The following NOS1 variants were observed in gnomAD, a reference collection of about 807,000 sequenced individuals.
The protein encoded by NOS1 is NOS type I.
In NOS1, 51 loss-of-function variants were observed where a neutral mutation model predicts 164.5. The observed-to-expected ratio is 0.31, with a 90% CI of 0.25 to 0.39. The LOEUF is 0.39. NOS1 is among the 10% of genes least tolerant of loss of function. The probability of loss-of-function intolerance (pLI) is 1.00; values close to 1 mark genes in which losing one functional copy is unlikely to be tolerated. For synonymous variants in NOS1, 719 were observed against 745.8 expected (o/e 0.96, Z 0.59); for missense variants, 1,362 against 1,885.6 (o/e 0.72, Z 5.14).
rs141572913 is a variant in NOS1, at chr12:117,236,345, C to A, written c.3042-1587G>T. 2.9e-3 allele frequency among the ~76,000 whole-genome samples: 440 copies of A among 152,282 alleles called. 2 individuals carry two copies. Among genetic ancestry groups the A allele is most frequent in the South Asian group, 0.014 (66 of 4,810 alleles). ...AGGACTTTTTGGCTCAACCGAGAAC[C>A]TTTTGTGCTACAAATAGCCACCATT... On this transcript the variant is annotated intron_variant, in intron 20 of 28. Coordinates refer to ENST00000317775, the MANE Select transcript of NOS1 (RefSeq NM_000620.5).
intron 2 of NOS1, among the ~76,000 whole-genome samples, chr12:117,315,073 CAG>C (rs894504017): frequency 2.0e-5 from 3 of 152,144 alleles, no homozygotes; most frequent in Admixed American, 1.3e-4. Context: ...TTTGAATTTG[CAG>C]AGAGAGTTTC....
intron 2 of NOS1, among the ~76,000 whole-genome samples, chr12:117,313,178 C>T (rs1054238270): frequency 3.9e-5 from 6 of 152,180 alleles, no homozygotes; most frequent in African/African-American, 1.4e-4. Flanking sequence ...TTCACGACCA[C>T]CAGCATCATC....
At chr12:117,297,507 T>C (rs1226762952) in intron 3 of NOS1, among the ~76,000 whole-genome samples, 3 of 152,190 alleles carry the variant, frequency 2.0e-5, no homozygotes, top group Admixed American at 2.0e-4. Flanking sequence ...TTCTCCTGCC[T>C]CAGCCTCCTG....
intron 9 of NOS1, among the ~76,000 whole-genome samples, chr12:117,275,522 G>C (rs1873113488): frequency 6.6e-6 from 1 of 152,100 alleles, no homozygotes; most frequent in Admixed American, 6.6e-5. Flanking sequence ...AGGGAGAATG[G>C]GGAGTGATTT....
At chr12:117,319,218 G>A (rs1336535717) in intron 2 of NOS1, among the ~76,000 whole-genome samples, 3 of 144,996 alleles carry the variant, frequency 2.1e-5, no homozygotes, top group Non-Finnish European at 4.5e-5. Flanking sequence ...TCCCTGACTA[G>A]TTTTTAAAAT....
Position 117,209,117 on chromosome 12 carries a change from C to G in NOS1, c.*6192G>C, listed in dbSNP as rs74567483. The stretch of plus-strand genomic sequence containing the variant: ...TGGCAGCAGATAATGGAAACAACCA[C>G]TGGGCTAGGCAAAGTTTCTGCTGCG... On this transcript the variant is annotated 3_prime_UTR_variant, in exon 29 of 29. Coordinates refer to ENST00000317775, the MANE Select transcript of NOS1 (RefSeq NM_000620.5). 2.0e-4 allele frequency: 197 copies of G among 985,410 alleles called. 1 individual carries two copies. The East Asian group carries it at 7.0e-3, about 35-fold the overall frequency. The allele number at this position is 985,410 out of a possible 1,614,324, so 61.0% of individuals were successfully genotyped here.
In NOS1 at chr12:117,330,533, G is replaced by C. The variant is rs780556911; in HGVS notation, c.537C>G (p.Ala179=). 2.0e-5 allele frequency: 33 copies of C among 1,613,708 alleles called. No individual in the cohort carries two copies. In the East Asian group the frequency reaches 7.1e-4, roughly 35 times the overall value. The stretch of plus-strand genomic sequence containing the variant: ...CGGGGTCCTGGCCTGGGGGCCTGGG[G>C]GCCAGGCCGTTGGCATGGGGGAGTG... ...AGSLPHANGL[A]PRPPGQDPAK... Residue 179 remains alanine (A), a synonymous_variant, in exon 2 of 29, where the codon GCC becomes GCG. Transcript: ENST00000317775. This position sits in a 1 kb window ranked among gnomAD's most constrained non-coding sequence, Gnocchi z 4.6.
chr12:117,289,909 G>A (rs535304435), intron 4 of NOS1, among the ~76,000 whole-genome samples: 1 of 152,296 alleles, frequency 6.6e-6, no homozygotes, highest in Non-Finnish European at 1.5e-5. Flanking sequence ...GGAGCCCATT[G>A]TATGAGTTTG....
chr12:117,241,236 C>A (rs1057089673), intron 20 of NOS1, among the ~76,000 whole-genome samples: 5 of 152,000 alleles, frequency 3.3e-5, no homozygotes, highest in African/African-American at 1.2e-4. Context: ...CCGTGCCTGG[C>A]CAAGTAATTT....
rs759660039 is a variant in NOS1 at position 117,311,562 on chromosome 12, C to T, written c.756G>A (p.Leu252=). The part of the protein sequence containing the change: ...RDLDGKSHKP[L]PLGVENDRVF... ...CTCGGTCGTTCTCCACGCCGAGGGG[C>T]AGAGGTTTGTGTGACTTGCCGTCCA... The change falls in exon 3 of 29, where the codon CTG becomes CTA. Residue 252 remains leucine, a synonymous_variant. Coordinates refer to ENST00000317775, the MANE Select transcript of NOS1 (RefSeq NM_000620.5). 8 of 1,612,704 alleles carry T rather than the reference C, an allele frequency of 5.0e-6. No individual in the cohort carries two copies. In the African/African-American group the frequency reaches 1.1e-4, roughly 22 times the overall value.
At chr12:117,322,361 C>T (rs1465348398) in intron 2 of NOS1, among the ~76,000 whole-genome samples, 2 of 136,968 alleles carry the variant, frequency 1.5e-5, no homozygotes, top group Non-Finnish European at 3.2e-5. Context: ...ATCCTTCCTT[C>T]TGTCCCTCCT....
chr12:117,342,200 C>G (rs1367258682), intron 1 of NOS1, among the ~76,000 whole-genome samples: 1 of 152,064 alleles, frequency 6.6e-6, no homozygotes, highest in African/African-American at 2.4e-5. Context: ...TTTGCCTACT[C>G]ATACATAGCT....
chr12:117,241,904 C>A (rs140591954), intron 20 of NOS1, among the ~76,000 whole-genome samples: 4 of 152,222 alleles, frequency 2.6e-5, no homozygotes, highest in Admixed American at 2.0e-4. Context: ...TCCAGCAGGA[C>A]AGAGTGTGTC....
At chr12:117,225,805 T>A (rs9658506) in intron 24 of NOS1, among the ~76,000 whole-genome samples, 2,855 of 152,130 alleles carry the variant, frequency 0.019, 85 homozygotes, top group African/African-American at 0.065. Context: ...TTTTTTTGTA[T>A]TTTAGTAGAG....
At chr12:117,350,343 T>C (rs1876559439) in intron 1 of NOS1, among the ~76,000 whole-genome samples, 1 of 152,182 alleles carries the variant, frequency 6.6e-6, no homozygotes, top group Non-Finnish European at 1.5e-5. Flanking sequence ...CACTTACTAG[T>C]TACCTGTTGA....
At position 117,234,269 on chromosome 12, in the gene NOS1, G is replaced by GAA. The variant is rs112221668; in HGVS notation, c.3235+294_3235+295dup. Among the ~76,000 whole-genome samples the GAA allele has an allele frequency of 8.5e-5, 13 of 152,216 alleles. No individual in the cohort carries two copies. Among genetic ancestry groups the GAA allele is most frequent in the African/African-American group, 2.9e-4 (12 of 41,450 alleles). On this transcript the variant is annotated intron_variant, in intron 21 of 28. Transcript: ENST00000317775. The surrounding 1 kb of genome is among the most constrained non-coding windows in gnomAD (Gnocchi z 4.3). ...AGGGCTAGTGGTGAGGATGGAAAGTGAAAAGAATGGCTACTGCTAAAGTCC... is the reference window on the plus strand; with the variant it reads ...AGGGCTAGTGGTGAGGATGGAAAGTGAAAAAAGAATGGCTACTGCTAAAGTCC...
intron 22 of NOS1, among the ~76,000 whole-genome samples, chr12:117,230,309 T>C (rs1869105059): frequency 6.6e-6 from 1 of 152,184 alleles, no homozygotes; most frequent in African/African-American, 2.4e-5. Flanking sequence ...CCCCATTAAT[T>C]AAAAGTTTTA....
chr12:117,220,045 A>G, intron 27 of NOS1, 30 bp downstream of exon 27: 1 of 1,572,196 alleles, frequency 6.4e-7, no homozygotes, highest in Non-Finnish European at 8.6e-7. Flanking sequence ...ATGTAGGAAA[A>G]GGGACCTGGG....
chr12:117,296,611 G>A (rs147509479), intron 3 of NOS1, among the ~76,000 whole-genome samples: 1,854 of 151,472 alleles, frequency 0.012, 40 homozygotes, highest in African/African-American at 0.043. Flanking sequence ...GCCTATTGTG[G>A]GACCTCACCT....
Sources: gnomAD v4.1 joint callset for allele counts (sites outside exome capture counted in the v4.1 genomes callset) on GRCh38, gnomAD v4.1.1 for gene constraint, Gnocchi (gnomAD v3.1) non-coding constraint, MANE v1.5 for transcripts, NCBI Gene and HGNC (gene_info 2026-07-23, HGNC 2026-07-21) for gene names.